The following TBC1D1 variants were observed in gnomAD, a reference collection of about 807,000 sequenced individuals.
TBC1D1 encodes the protein TBC1 domain family member 1.
In TBC1D1, 89 loss-of-function variants were observed where a neutral mutation model predicts 125.6. That is an observed-to-expected ratio of 0.71 (90% CI 0.60 to 0.85). TBC1D1 has a LOEUF of 0.85. Ranked by LOEUF, TBC1D1 falls within the 40% of genes least tolerant of loss-of-function variation. The pLI, the probability that TBC1D1 is intolerant of heterozygous loss-of-function variation, is 0.00. For missense variants in TBC1D1, 1,377 were observed against 1,469.2 expected (o/e 0.94, Z 1.03); for synonymous variants, 565 against 564.1 (o/e 1.00, Z -0.02).
rs372700631 is a variant in TBC1D1, at chr4:38,018,688, C to A, written c.972+245C>A. Among the ~76,000 whole-genome samples the A allele has an allele frequency of 7.2e-5, 11 of 152,236 alleles. No individual in the cohort carries two copies. The East Asian group carries it at 2.1e-3, about 29-fold the overall frequency. On this transcript the variant is annotated intron_variant, in intron 4 of 19. Transcript: ENST00000261439. Reference sequence around the variant, plus strand: ...AAAATAGATCTACTTTTAATTTTCTCAGTTATTGGTAGTAATAATCCACAG... The same window carrying A: ...AAAATAGATCTACTTTTAATTTTCTAAGTTATTGGTAGTAATAATCCACAG...
chr4:38,021,328 A>G (rs559565279), intron 5 of TBC1D1, among the ~76,000 whole-genome samples: 1 of 152,314 alleles, frequency 6.6e-6, no homozygotes, highest in South Asian at 2.1e-4. Context: ...GGGAGCTACA[A>G]TTCAAGATGA....
At position 37,992,890 on chromosome 4, in the gene TBC1D1, C is replaced by T. The variant is rs907746516; in HGVS notation, c.418-21619C>T. On this transcript the variant is annotated intron_variant, in intron 2 of 19. Coordinates refer to ENST00000261439, the MANE Select transcript of TBC1D1 (RefSeq NM_015173.4). The stretch of plus-strand genomic sequence containing the variant: ...CGCGATCTCAGCTCACTGCAACCTC[C>T]GCCTCCTGGGTTCAAGTGATTCTCC... 2.6e-5 allele frequency among the ~76,000 whole-genome samples: 4 copies of T among 151,386 alleles called. No individual in the cohort carries two copies. The East Asian group carries it at 5.8e-4, about 22-fold the overall frequency.
At chr4:38,060,587 T>C in intron 12 of TBC1D1, 1 of 1,284,252 alleles carries the variant, frequency 7.8e-7, no homozygotes, top group Non-Finnish European at 1.0e-6. Context: ...TAAGGATGCT[T>C]ACGTCTGTGT....
chr4:37,895,762 T>C (rs1714431213), intron 1 of TBC1D1, among the ~76,000 whole-genome samples: 1 of 152,164 alleles, frequency 6.6e-6, no homozygotes, highest in Admixed American at 6.5e-5. Flanking sequence ...TTACTTTACA[T>C]GTCAAATTAG....
rs567388073 is a variant in TBC1D1 at position 37,892,917 on chromosome 4, C to G, written c.-94+1569C>G. Among the ~76,000 whole-genome samples the G allele has an allele frequency of 2.0e-5, 3 of 152,306 alleles. No individual in the cohort carries two copies. In the South Asian group the frequency reaches 6.2e-4, roughly 32 times the overall value. ...TGTCCCCCACTTCCCTAGAAGACAG[C>G]TTTGACCAGGAAGGCTGCAATGACA... On this transcript the variant is annotated intron_variant, in intron 1 of 19. Coordinates refer to ENST00000261439, the MANE Select transcript of TBC1D1 (RefSeq NM_015173.4).
Position 38,095,918 on chromosome 4 carries a change from G to C in TBC1D1, c.2237-11G>C. 1 of 1,610,012 alleles carries C rather than the reference G, an allele frequency of 6.2e-7. No individual in the cohort carries two copies. Among genetic ancestry groups the C allele is most frequent in the Non-Finnish European group, 8.5e-7 (1 of 1,178,396 alleles). On this transcript the variant is annotated splice_polypyrimidine_tract_variant and intron_variant, in intron 13 of 19. Coordinates refer to ENST00000261439, the MANE Select transcript of TBC1D1 (RefSeq NM_015173.4). The stretch of plus-strand genomic sequence containing the variant: ...GCCTTTACTAATGCGCTCTGGAATG[G>C]TCTATTCCAGCCTCTGAAAATGATT...
Position 37,891,357 on chromosome 4 carries a change from C to T in TBC1D1, c.-94+9C>T, listed in dbSNP as rs1445419329. The stretch of plus-strand genomic sequence containing the variant: ...AGCGCGCCGCGGCACAGGTAAGGCG[C>T]TTCCTGGGGCTTCGTCCTGGCCACC... On this transcript the variant is annotated intron_variant, in intron 1 of 19. Coordinates refer to ENST00000261439, the MANE Select transcript of TBC1D1 (RefSeq NM_015173.4). 2.0e-5 allele frequency: 3 copies of T among 152,400 alleles called. No individual in the cohort carries two copies. Among genetic ancestry groups the T allele is most frequent in the Non-Finnish European group, 2.9e-5 (2 of 68,244 alleles). 9.4% of individuals were successfully genotyped at this position (152,400 alleles called of 1,614,324 possible). A position where few individuals can be genotyped will look rare whatever the true frequency, so the allele number is the denominator to read the frequency against.
chr4:37,902,417 A>C lies in TBC1D1; in HGVS notation c.322A>C (p.Ser108Arg), dbSNP rs1348437367. The C allele has an allele frequency of 6.2e-7, 1 of 1,614,192 alleles. No homozygotes were observed. Among genetic ancestry groups the C allele is most frequent in the African/African-American group, 1.3e-5 (1 of 75,052 alleles). The change falls in exon 2 of 20, where the codon AGT (serine) becomes CGT (arginine). Residue 108 changes from serine (S) to arginine (R), a missense_variant. Coordinates refer to ENST00000261439, the MANE Select transcript of TBC1D1 (RefSeq NM_015173.4). Reference sequence around the variant, plus strand: ...GCGTGTTCACAAACTGATTCACAACAGTCATGACCCAAGTTACTTTGCTTG... The same window carrying C: ...GCGTGTTCACAAACTGATTCACAACCGTCATGACCCAAGTTACTTTGCTTG...
chr4:38,134,737 G>GCTATT (rs1047053723), intron 19 of TBC1D1, among the ~76,000 whole-genome samples: 1 of 152,228 alleles, frequency 6.6e-6, no homozygotes, highest in Non-Finnish European at 1.5e-5. Flanking sequence ...CTGCTCCTGT[G>GCTATT]CTATTGTTTT....
intron 1 of TBC1D1, among the ~76,000 whole-genome samples, chr4:37,901,731 A>C (rs934749377): frequency 2.1e-5 from 1 of 48,628 alleles, no homozygotes; most frequent in African/African-American, 7.2e-5. Context: ...GTCTTCTATC[A>C]TGGGGGCCTT....
At chr4:38,092,634 G>A (rs1160783354) in intron 13 of TBC1D1, among the ~76,000 whole-genome samples, 1 of 151,522 alleles carries the variant, frequency 6.6e-6, no homozygotes, top group Non-Finnish European at 1.5e-5. Context: ...ACTTGGAAGA[G>A]TGAGGCAGGA....
chr4:38,052,126 T>C, intron 11 of TBC1D1, 66 bp downstream of exon 12: 2 of 1,493,356 alleles, frequency 1.3e-6, no homozygotes, highest in Middle Eastern at 1.7e-4. Context: ...CTGATGAGGA[T>C]GTGCTGAATG....
chr4:38,012,041 G>T (rs1365442752), intron 2 of TBC1D1, among the ~76,000 whole-genome samples: 1 of 152,216 alleles, frequency 6.6e-6, no homozygotes, highest in Non-Finnish European at 1.5e-5. Flanking sequence ...ATGTAGAAAT[G>T]TCAGGTATTT....
At chr4:38,022,441 T>C (rs1331625324) in intron 6 of TBC1D1, among the ~76,000 whole-genome samples, 3 of 152,216 alleles carry the variant, frequency 2.0e-5, no homozygotes, top group African/African-American at 7.2e-5. Context: ...AACTAGTGTA[T>C]AGTGAGCCCA....
intron 2 of TBC1D1, among the ~76,000 whole-genome samples, chr4:37,953,692 C>A (rs998304539): frequency 2.6e-5 from 4 of 152,040 alleles, no homozygotes; most frequent in Admixed American, 6.5e-5. Flanking sequence ...TTCTACAGAA[C>A]CTTAGAGCTC....
intron 12 of TBC1D1, among the ~76,000 whole-genome samples, chr4:38,084,530 C>T (rs1757143326): frequency 6.6e-6 from 1 of 152,204 alleles, no homozygotes; most frequent in Non-Finnish European, 1.5e-5. Flanking sequence ...AATATGACAA[C>T]ATTAAGTCTA....
intron 2 of TBC1D1, among the ~76,000 whole-genome samples, chr4:38,007,441 C>T (rs1445323163): frequency 2.0e-5 from 3 of 152,018 alleles, no homozygotes; most frequent in African/African-American, 4.8e-5. Context: ...TTAGTAGAGA[C>T]GGGGTTTCAC....
At chr4:38,090,977 G>A (rs748776760) in intron 13 of TBC1D1, among the ~76,000 whole-genome samples, 179 of 152,288 alleles carry the variant, frequency 1.2e-3, no homozygotes, top group Non-Finnish European at 2.1e-3. Context: ...AAGTCATTAA[G>A]ACACCAACTC....
intron 2 of TBC1D1, among the ~76,000 whole-genome samples, chr4:37,912,268 G>A (rs1718781802): frequency 6.6e-6 from 1 of 152,190 alleles, no homozygotes; most frequent in South Asian, 2.1e-4. Context: ...TTTTCCATGG[G>A]ACATTCGAGT....
Sources: allele counts gnomAD v4.1 joint callset (sites outside exome capture counted in the v4.1 genomes callset), GRCh38; gene constraint gnomAD v4.1.1; transcripts MANE v1.5; gene names NCBI Gene and HGNC (gene_info 2026-07-23, HGNC 2026-07-21).